The following PELO variants were observed in gnomAD, a reference collection of about 807,000 sequenced individuals.
PELO encodes protein pelota homolog.
In PELO, 19 loss-of-function variants were observed where a neutral mutation model predicts 25.9. The observed-to-expected ratio is 0.73, with a 90% CI of 0.51 to 1.08. PELO has a LOEUF of 1.08. Among genes scored for constraint, PELO ranks in the 50% least tolerant of loss-of-function variants. The pLI, the probability that PELO is intolerant of heterozygous loss-of-function variation, is 0.00. For missense variants in PELO, 498 were observed against 491.4 expected (o/e 1.01, Z -0.13); for synonymous variants, 196 against 192.2 (o/e 1.02, Z -0.16).
chr5:52,801,807 C>A lies in PELO; in HGVS notation c.1125C>A (p.Asp375Glu). The A allele has an allele frequency of 1.2e-6, 2 of 1,611,896 alleles. No individual in the cohort carries two copies. The highest frequency in any genetic ancestry group is 1.7e-6 in the Non-Finnish European group (2 of 1,178,758). Residue 375 changes from aspartate (D) to glutamate (E), a missense_variant, in exon 3 of 3, where the codon GAC becomes GAA. Coordinates refer to ENST00000274311, the MANE Select transcript of PELO (RefSeq NM_015946.5). ...ILRFPVPELSDQEGDSSSEED is the reference protein window; with the variant it reads ...ILRFPVPELSEQEGDSSSEED ...GCTTCCCTGTTCCCGAACTTTCTGACCAAGAGGGTGATTCCAGTTCTGAAG... is the reference window on the plus strand; with the variant it reads ...GCTTCCCTGTTCCCGAACTTTCTGAACAAGAGGGTGATTCCAGTTCTGAAG...
chr5:52,796,927 C>G (rs1748353466), intron 1 of PELO, among the ~76,000 whole-genome samples: 1 of 151,988 alleles, frequency 6.6e-6, no homozygotes, highest in Admixed American at 6.6e-5. Flanking sequence ...GTTAAGGTAG[C>G]AAACGAGAAA....
rs113870011 is a variant in PELO, at chr5:52,801,321, C to T, written c.727-88C>T. The T allele has an allele frequency of 4.6e-5, 56 of 1,212,552 alleles. No homozygotes were observed. In the African/African-American group the frequency reaches 7.0e-4, roughly 15 times the overall value. 75.1% of individuals were successfully genotyped at this position (1,212,552 alleles called of 1,614,324 possible). On this transcript the variant is annotated intron_variant, in intron 2 of 2. Transcript: ENST00000274311. ...CTTCGCTGAAACATATGAAGCCTTACTAGCGCTTTTGGCTTTAAGCCTTTG... is the reference window on the plus strand; with the variant it reads ...CTTCGCTGAAACATATGAAGCCTTATTAGCGCTTTTGGCTTTAAGCCTTTG...
intron 1 of PELO, among the ~76,000 whole-genome samples, chr5:52,798,690 CAT>C (rs1480833370): frequency 6.6e-6 from 1 of 152,090 alleles, no homozygotes; most frequent in African/African-American, 2.4e-5. Context: ...CGTAAGATAA[CAT>C]AGACAAATGG....
chr5:52,801,176 TA>T (rs1232677710), intron 2 of PELO, 56 bp downstream of exon 2: 1 of 1,486,408 alleles, frequency 6.7e-7, no homozygotes, highest in Admixed American at 2.2e-5. Flanking sequence ...TGGTATAAAC[TA>T]CTCCTAAAGT....
intron 1 of PELO, among the ~76,000 whole-genome samples, chr5:52,795,201 T>C (rs916126493): frequency 6.6e-6 from 1 of 151,942 alleles, no homozygotes; most frequent in Non-Finnish European, 1.5e-5. Context: ...TATGCTGTGT[T>C]CCAGGAGAAC....
rs199607873 is a variant in PELO, at chr5:52,801,668, A to T, written c.986A>T (p.Tyr329Phe). Residue 329 changes from tyrosine to phenylalanine, a missense_variant, in exon 3 of 3, where the codon TAT becomes TTT. By Grantham distance (22) the Tyr-to-Phe change is conservative. Transcript: ENST00000274311. ...RHQDVATRSR[Y>F]VRLVDSVKEN... ...CAGGATGTAGCCACACGGAGCCGGT[A>T]TGTGAGGCTGGTGGACAGTGTGAAA... 108 of 1,614,034 alleles carry T rather than the reference A, an allele frequency of 6.7e-5. 1 individual carries two copies. The highest frequency in any genetic ancestry group is 1.6e-4 in the Middle Eastern group (1 of 6,084).
intron 1 of PELO, among the ~76,000 whole-genome samples, chr5:52,789,687 T>C (rs1466141023): frequency 6.6e-6 from 1 of 152,240 alleles, no homozygotes; most frequent in African/African-American, 2.4e-5. Context: ...CACTACTTTT[T>C]ACACATATTT....
intron 1 of PELO, among the ~76,000 whole-genome samples, chr5:52,791,998 C>G (rs994636356): frequency 1.3e-5 from 2 of 152,126 alleles, no homozygotes; most frequent in African/African-American, 4.8e-5. Flanking sequence ...AATGTGAAAT[C>G]CAAACATAGT....
At chr5:52,791,016 G>T (rs1431873335) in intron 1 of PELO, among the ~76,000 whole-genome samples, 3 of 151,964 alleles carry the variant, frequency 2.0e-5, no homozygotes, top group Admixed American at 6.5e-5. Flanking sequence ...TTCCAAACTG[G>T]GTTTACATCA....
At chr5:52,797,774 T>G (rs1336978048) in intron 1 of PELO, among the ~76,000 whole-genome samples, 2 of 152,214 alleles carry the variant, frequency 1.3e-5, no homozygotes, top group East Asian at 3.8e-4. Flanking sequence ...TTCCCCATAG[T>G]TGATTTTCTT....
At position 52,800,130 on chromosome 5, in the gene PELO, G is replaced by T; in HGVS notation, c.-265G>T. The T allele has an allele frequency of 1.1e-5, 5 of 439,894 alleles. No homozygotes were observed. The highest frequency in any genetic ancestry group is 6.2e-4 in the Middle Eastern group (1 of 1,620). The allele number at this position is 439,894 out of a possible 1,614,324, so 27.2% of individuals were successfully genotyped here. On this transcript the variant is annotated 5_prime_UTR_variant, in exon 2 of 3. Transcript: ENST00000274311. ...GCCCGCTGTTGCGTGCTGCCAGCGGGAACTGTGTAGGGGTAGATTTTCGCT... is the reference window on the plus strand; with the variant it reads ...GCCCGCTGTTGCGTGCTGCCAGCGGTAACTGTGTAGGGGTAGATTTTCGCT...
intron 1 of PELO, among the ~76,000 whole-genome samples, chr5:52,797,009 G>A (rs1029943486): frequency 2.6e-5 from 4 of 152,084 alleles, no homozygotes; most frequent in Non-Finnish European, 5.9e-5. Flanking sequence ...GGAAAAGTGG[G>A]AAGTAAATTT....
At position 52,788,367 on chromosome 5, in the gene PELO, C is replaced by A. The variant is rs1748166923; in HGVS notation, c.-558C>A. ...GCTGCTCCGGCCATGGCCCCTCGGC[C>A]CCGCGCCCGCCCAGGGGTCGCTGTC... On this transcript the variant is annotated 5_prime_UTR_variant, in exon 1 of 3. Coordinates refer to ENST00000274311, the MANE Select transcript of PELO (RefSeq NM_015946.5). The A allele has an allele frequency of 6.6e-7, 1 of 1,511,228 alleles. No homozygotes were observed. The highest frequency in any genetic ancestry group is 2.1e-5 in the Admixed American group (1 of 47,598). The allele number at this position is 1,511,228 out of a possible 1,614,324, so 93.6% of individuals were successfully genotyped here.
intron 1 of PELO, among the ~76,000 whole-genome samples, chr5:52,791,405 AC>A (rs1748236583): frequency 6.6e-6 from 1 of 152,120 alleles, no homozygotes; most frequent in African/African-American, 2.4e-5. Context: ...TGGCCATTAG[AC>A]TGGAGTTGTG....
In PELO at chr5:52,801,821, C is replaced by G. The variant is rs1359234054; in HGVS notation, c.1139C>G (p.Ser380Cys). The G allele has an allele frequency of 1.2e-6, 2 of 1,608,064 alleles. No homozygotes were observed. Among genetic ancestry groups the G allele is most frequent in the Non-Finnish European group, 1.7e-6 (2 of 1,176,768 alleles). The change falls in exon 3 of 3, where the codon TCC becomes TGC. Residue 380 changes from serine to cysteine, a missense_variant. Ser to Cys is a moderately radical substitution (Grantham distance 112, BLOSUM62 -1). Coordinates refer to ENST00000274311, the MANE Select transcript of PELO (RefSeq NM_015946.5). ...VPELSDQEGD[S>C]SSEED ...GAACTTTCTGACCAAGAGGGTGATT[C>G]CAGTTCTGAAGAGGATTAATGATTG...
At chr5:52,796,017 G>A (rs552317352) in intron 1 of PELO, among the ~76,000 whole-genome samples, 2 of 151,982 alleles carry the variant, frequency 1.3e-5, no homozygotes, top group Non-Finnish European at 2.9e-5. Context: ...AAGATAGCAC[G>A]CAAAATTGAA....
chr5:52,800,083 C>T lies in PELO; in HGVS notation c.-312C>T. 1 of 355,890 alleles carries T rather than the reference C, an allele frequency of 2.8e-6. No individual in the cohort carries two copies. Among genetic ancestry groups the T allele is most frequent in the Non-Finnish European group, 5.2e-6 (1 of 193,020 alleles). 22.0% of individuals were successfully genotyped at this position (355,890 alleles called of 1,614,324 possible). ...GCGTCGGGTCGCGGGACGGGGGCTG[C>T]GCATGCGCCTTCATTTCGTCAGCCC... is the stretch of plus-strand genomic sequence containing the variant. On this transcript the variant is annotated 5_prime_UTR_variant, in exon 2 of 3. Coordinates refer to ENST00000274311, the MANE Select transcript of PELO (RefSeq NM_015946.5).
chr5:52,801,520 G>T lies in PELO; in HGVS notation c.838G>T (p.Asp280Tyr), dbSNP rs1344918971. The change falls in exon 3 of 3, where the codon GAC (aspartate) becomes TAC (tyrosine). Residue 280 changes from aspartate to tyrosine, a missense_variant. By Grantham distance (160) the Asp-to-Tyr change is radical. Transcript: ENST00000274311. ...KAAGEVKALDDFYKMLQHEPD... is the reference protein window; with the variant it reads ...KAAGEVKALDYFYKMLQHEPD... ...TGCTGGGGAAGTCAAAGCCTTGGATGACTTCTATAAAATGTTACAGCATGA... is the reference window on the plus strand; with the variant it reads ...TGCTGGGGAAGTCAAAGCCTTGGATTACTTCTATAAAATGTTACAGCATGA... The T allele has an allele frequency of 6.2e-7, 1 of 1,614,158 alleles. No individual in the cohort carries two copies. Among genetic ancestry groups the T allele is most frequent in the Non-Finnish European group, 8.5e-7 (1 of 1,180,020 alleles).
intron 1 of PELO, 99 bp from the exon 2 acceptor site, chr5:52,799,786 G>A (rs561272921): frequency 6.4e-6 from 1 of 155,080 alleles, no homozygotes; most frequent in East Asian, 1.9e-4. Flanking sequence ...TTACTGCTAA[G>A]CTTTGAAATT....
Sources: gnomAD v4.1 joint callset for allele counts (sites outside exome capture counted in the v4.1 genomes callset) on GRCh38, gnomAD v4.1.1 for gene constraint, MANE v1.5 for transcripts, NCBI Gene and HGNC (gene_info 2026-07-23, HGNC 2026-07-21) for gene names.